Variants in MCTP2 observed in about 807,000 individuals in gnomAD.
MCTP2 encodes multiple C2 and transmembrane domain-containing protein 2.
MCTP2 carries 132 observed loss-of-function variants against 111.6 expected under a neutral mutation model. That is an observed-to-expected ratio of 1.18 (90% CI 1.03 to 1.37). MCTP2 has a LOEUF of 1.37. Ranked by LOEUF, MCTP2 falls within the 40% of genes most tolerant of loss-of-function variation. MCTP2 has a pLI of 0.00. For missense variants in MCTP2, 1,183 were observed against 1,067.9 expected (o/e 1.11, Z -1.50); for synonymous variants, 395 against 387.7 (o/e 1.02, Z -0.22).
chr15:94,466,208 C>T (rs2073278953), intron 20 of MCTP2, among the ~76,000 whole-genome samples: 1 of 152,030 alleles, frequency 6.6e-6, no homozygotes, highest in Non-Finnish European at 1.5e-5. Context: ...GATTAGATTT[C>T]AATATCTGAA....
intron 1 of MCTP2, among the ~76,000 whole-genome samples, chr15:94,275,255 C>G (rs1397554171): frequency 1.3e-5 from 2 of 151,820 alleles, no homozygotes; most frequent in East Asian, 3.9e-4. Flanking sequence ...GAAGGGTGCC[C>G]CTTATCATTT....
At chr15:94,388,416 C>T (rs2080652339) in intron 14 of MCTP2, among the ~76,000 whole-genome samples, 1 of 152,112 alleles carries the variant, frequency 6.6e-6, no homozygotes, top group South Asian at 2.1e-4. Flanking sequence ...GTGGGCTCTC[C>T]CTGAAATTCA....
chr15:94,314,286 T>C lies in MCTP2; in HGVS notation c.470T>C (p.Leu157Pro), dbSNP rs1179115851. 6.2e-7 allele frequency: 1 copy of C among 1,606,916 alleles called. No individual in the cohort carries two copies. Among genetic ancestry groups the C allele is most frequent in the East Asian group, 2.2e-5 (1 of 44,814 alleles). ...GGDAPEEPEK[L>P]CGSSDLNASM... Reference sequence around the variant, plus strand: ...TTTTTTTCTTTTTCTTTGCAGAAGCTATGTGGAAGCAGTGACCTGAATGCT... The same window carrying C: ...TTTTTTTCTTTTTCTTTGCAGAAGCCATGTGGAAGCAGTGACCTGAATGCT... Residue 157 changes from leucine (L) to proline (P), a missense_variant, in exon 3 of 23, where the codon CTA (leucine) becomes CCA (proline). Physicochemically the swap from Leu to Pro is moderately conservative, Grantham distance 98. Coordinates refer to ENST00000357742, the MANE Select transcript of MCTP2 (RefSeq NM_001385001.1).
intron 5 of MCTP2, 26 bp downstream of exon 5, chr15:94,339,458 G>C: frequency 6.5e-7 from 1 of 1,543,272 alleles, no homozygotes; most frequent in Non-Finnish European, 8.7e-7. Flanking sequence ...TTTCAAATCT[G>C]CTCCTTTATT....
chr15:94,313,078 A>G (rs919722507), intron 2 of MCTP2, among the ~76,000 whole-genome samples: 2 of 152,200 alleles, frequency 1.3e-5, no homozygotes, highest in Non-Finnish European at 2.9e-5. Flanking sequence ...ATTGGCCCAT[A>G]GCAATGAAGT....
At chr15:94,318,118 C>A (rs187571109) in intron 4 of MCTP2, among the ~76,000 whole-genome samples, 167 of 152,178 alleles carry the variant, frequency 1.1e-3, no homozygotes, top group Admixed American at 4.4e-3. Flanking sequence ...CCAGTGGTTA[C>A]TTTTGTCAAA....
rs2080989165 is a variant in MCTP2 at position 94,391,755 on chromosome 15, C to T, written c.1788+6230C>T. Reference sequence around the variant, plus strand: ...TTTAACATGCTGGAGAGATCCTGAACCCCATGTAGTAGACAGTCTAGGTGT... The same window carrying T: ...TTTAACATGCTGGAGAGATCCTGAATCCCATGTAGTAGACAGTCTAGGTGT... On this transcript the variant is annotated intron_variant, in intron 14 of 22. Coordinates refer to ENST00000357742, the MANE Select transcript of MCTP2 (RefSeq NM_001385001.1). Among the ~76,000 whole-genome samples, 2 of 152,108 alleles carry T rather than the reference C, an allele frequency of 1.3e-5. 1 individual carries two copies. The highest frequency in any genetic ancestry group is 2.9e-5 in the Non-Finnish European group (2 of 68,032).
chr15:94,400,755 C>A (rs1210802293), intron 16 of MCTP2, among the ~76,000 whole-genome samples: 2 of 152,016 alleles, frequency 1.3e-5, no homozygotes, highest in African/African-American at 4.8e-5. Context: ...GAGTTTATTA[C>A]TTCCACCACT....
At chr15:94,303,092 T>TTATATATATAGTTTATATATATATAGTG (rs367778742) in intron 2 of MCTP2, among the ~76,000 whole-genome samples, 1 of 21,154 alleles carries the variant, frequency 4.7e-5, no homozygotes. Context: ...TATATATAGT[T>TTATATATATAGTTTATATATATATAGTG]TATATAGTTT....
rs1156841766 is a variant in MCTP2, at chr15:94,298,434, G to T, written c.169G>T (p.Glu57Ter). 11 of 1,614,060 alleles carry T rather than the reference G, an allele frequency of 6.8e-6. No homozygotes were observed. Among genetic ancestry groups the T allele is most frequent in the African/African-American group, 2.7e-5 (2 of 74,934 alleles). Residue 57 changes from glutamate to a stop codon, truncating the protein, a stop_gained, in exon 2 of 23, where the codon GAG (glutamate) becomes TAG (stop). Transcript: ENST00000357742. LOFTEE classifies it high-confidence loss of function. ...RLSLSVPDLL[E>*]AEALAPEGRP... is the part of the protein sequence containing the mutation. ...CAGCCTCTCTGTGCCTGATCTCCTG[G>T]AGGCTGAGGCCTTGGCCCCAGAGGG...
chr15:94,245,508 A>T (rs556853593), intron 1 of MCTP2, among the ~76,000 whole-genome samples: 7 of 141,616 alleles, frequency 4.9e-5, no homozygotes, highest in African/African-American at 1.8e-4. Flanking sequence ...TTATATATGT[A>T]TACATATATG....
At chr15:94,455,575 G>A (rs1423970596) in intron 19 of MCTP2, among the ~76,000 whole-genome samples, 2 of 152,022 alleles carry the variant, frequency 1.3e-5, no homozygotes, top group East Asian at 1.9e-4. Context: ...GCAAGCACGC[G>A]CCACCATGCC....
At chr15:94,400,385 G>A (rs1164241364) in intron 16 of MCTP2, among the ~76,000 whole-genome samples, 1 of 152,136 alleles carries the variant, frequency 6.6e-6, no homozygotes, top group Non-Finnish European at 1.5e-5. Flanking sequence ...AGTGTGTGGA[G>A]TCAATCACAG....
At position 94,245,073 on chromosome 15, in the gene MCTP2, C is replaced by T. The variant is rs192255526; in HGVS notation, c.-66+13409C>T. Among the ~76,000 whole-genome samples, 581 of 148,814 alleles carry T rather than the reference C, an allele frequency of 3.9e-3. 1 individual carries two copies. The highest frequency in any genetic ancestry group is 5.2e-3 in the Non-Finnish European group (347 of 66,900). On this transcript the variant is annotated intron_variant, in intron 1 of 22. Transcript: ENST00000357742. ...ATACACATACATATGTACCTGTTTA[C>T]GTATATGTATACACATACATATGTA...
chr15:94,299,644 T>C (rs183499025), intron 2 of MCTP2, among the ~76,000 whole-genome samples: 1 of 152,356 alleles, frequency 6.6e-6, no homozygotes, highest in African/African-American at 2.4e-5. Context: ...TAATTAGTTG[T>C]CTTTAAAAAG....
In MCTP2 at chr15:94,341,221, A is replaced by G. The variant is rs1049438171; in HGVS notation, c.969+297A>G. 9.0e-5 allele frequency: 30 copies of G among 334,842 alleles called. No individual in the cohort carries two copies. The Middle Eastern group carries it at 4.9e-3, about 54-fold the overall frequency. The allele number at this position is 334,842 out of a possible 1,614,324, so 20.7% of individuals were successfully genotyped here. ...TTTACTTTTAGCTACCAAGTTTTCC[A>G]TTGGGAGTTCTTTTGGGAAGATACA... On this transcript the variant is annotated intron_variant, in intron 7 of 22. Transcript: ENST00000357742.
At chr15:94,473,001 TATTC>T (rs1343505482) in intron 21 of MCTP2, among the ~76,000 whole-genome samples, 2 of 152,226 alleles carry the variant, frequency 1.3e-5, no homozygotes, top group Non-Finnish European at 2.9e-5. Context: ...CTAAGTTACT[TATTC>T]ATTTTTTATT....
At position 94,315,545 on chromosome 15, in the gene MCTP2, G is replaced by T. The variant is rs769391620; in HGVS notation, c.545G>T (p.Ser182Ile). Residue 182 changes from serine to isoleucine, a missense_variant, in exon 4 of 23, where the codon AGT becomes ATT. Coordinates refer to ENST00000357742, the MANE Select transcript of MCTP2 (RefSeq NM_001385001.1). ...FEEQSVPGEASDGLSNLPSPF... is the reference protein window; with the variant it reads ...FEEQSVPGEAIDGLSNLPSPF... ...TCTGTGCAGGTACCGGGGGAAGCCAGTGATGGCTTGAGTAACCTCCCCAGC... is the reference window on the plus strand; with the variant it reads ...TCTGTGCAGGTACCGGGGGAAGCCATTGATGGCTTGAGTAACCTCCCCAGC... 1 of 1,613,796 alleles carries T rather than the reference G, an allele frequency of 6.2e-7. No individual in the cohort carries two copies. The highest frequency in any genetic ancestry group is 8.5e-7 in the Non-Finnish European group (1 of 1,179,734).
chr15:94,419,589 A>G (rs1284371694), intron 17 of MCTP2, among the ~76,000 whole-genome samples: 2 of 152,208 alleles, frequency 1.3e-5, no homozygotes, highest in East Asian at 3.9e-4. Flanking sequence ...TGGGAAGAAC[A>G]TGCCACCTCC....
Sources: allele counts gnomAD v4.1 joint callset (sites outside exome capture counted in the v4.1 genomes callset), GRCh38; gene constraint gnomAD v4.1.1; transcripts MANE v1.5; gene names NCBI Gene and HGNC (gene_info 2026-07-23, HGNC 2026-07-21).